PRDM5: variants seen among roughly 807,000 people sequenced by gnomAD.
PRDM5 encodes PR domain zinc finger protein 5.
Under a neutral mutation model 81.2 loss-of-function variants are expected in PRDM5, and 56 were observed. The observed-to-expected ratio is 0.69, with a 90% confidence interval of 0.56 to 0.86. The LOEUF is 0.86. PRDM5 is among the 40% of genes least tolerant of loss of function. PRDM5 has a pLI of 0.00. For missense variants in PRDM5, 697 were observed against 770.1 expected (o/e 0.91, Z 1.12); for synonymous variants, 267 against 256.4 (o/e 1.04, Z -0.39).
At chr4:120,765,343 G>A (rs1378161832) in intron 13 of PRDM5, among the ~76,000 whole-genome samples, 1 of 152,226 alleles carries the variant, frequency 6.6e-6, no homozygotes, top group African/African-American at 2.4e-5. Context: ...CTGTAGGCAA[G>A]TAATTAACCT....
chr4:120,744,592 AG>A (rs1441484949), intron 14 of PRDM5, among the ~76,000 whole-genome samples: 2 of 152,246 alleles, frequency 1.3e-5, no homozygotes, highest in African/African-American at 4.8e-5. Context: ...AAAATGATAA[AG>A]GGGATATTAC....
rs73843651 is a variant in PRDM5 at position 120,898,694 on chromosome 4, T to C, written c.177+8780A>G. On this transcript the variant is annotated intron_variant, in intron 2 of 15. Coordinates refer to ENST00000264808, the MANE Select transcript of PRDM5 (RefSeq NM_018699.4). Reference sequence around the variant, plus strand: ...TTTGGAGTTGTTATCAGCAGTAATATTGATGTGTTCAAGTTCGTATCAGAC... The same window carrying C: ...TTTGGAGTTGTTATCAGCAGTAATACTGATGTGTTCAAGTTCGTATCAGAC... Among the ~76,000 whole-genome samples, 1,464 of 152,338 alleles carry C rather than the reference T, an allele frequency of 9.6e-3. 18 individuals are homozygous for C. Among genetic ancestry groups the C allele is most frequent in the African/African-American group, 0.033 (1,380 of 41,584 alleles).
chr4:120,686,219 T>C (rs1005247482), intron 1 of PRDM5, among the ~76,000 whole-genome samples: 15 of 146,238 alleles, frequency 1.0e-4, no homozygotes, highest in Non-Finnish European at 2.0e-4. Context: ...TGTTTCTTTA[T>C]AGGTAATACC....
At chr4:120,764,416 C>T (rs1272236621) in intron 13 of PRDM5, among the ~76,000 whole-genome samples, 1 of 152,108 alleles carries the variant, frequency 6.6e-6, no homozygotes, top group African/African-American at 2.4e-5. Flanking sequence ...CAAACTTTGA[C>T]ATAGCACTAT....
At chr4:120,824,068 C>T (rs981317851) in intron 3 of PRDM5, among the ~76,000 whole-genome samples, 1 of 152,164 alleles carries the variant, frequency 6.6e-6, no homozygotes, top group African/African-American at 2.4e-5. Context: ...GAAGCAGATG[C>T]TGGCACCACA....
At chr4:120,908,870 C>T (rs1363865602) in intron 1 of PRDM5, among the ~76,000 whole-genome samples, 1 of 152,212 alleles carries the variant, frequency 6.6e-6, no homozygotes, top group Non-Finnish European at 1.5e-5. Flanking sequence ...TCATGCCTCA[C>T]TAGTCCCCTC....
chr4:120,811,339 T>C, intron 8 of PRDM5, 31 bp downstream of exon 8: 1 of 1,406,404 alleles, frequency 7.1e-7, no homozygotes, highest in Non-Finnish European at 1.0e-6. Context: ...AAGATAGATA[T>C]TAAACTGTGA....
intron 13 of PRDM5, among the ~76,000 whole-genome samples, chr4:120,770,124 C>T (rs556346583): frequency 6.6e-6 from 1 of 152,224 alleles, no homozygotes; most frequent in African/African-American, 2.4e-5. Flanking sequence ...CCTCCGCCTT[C>T]CAGGTCCAAG....
At chr4:120,913,890 G>A (rs1766787440) in intron 1 of PRDM5, among the ~76,000 whole-genome samples, 1 of 152,202 alleles carries the variant, frequency 6.6e-6, no homozygotes, top group Non-Finnish European at 1.5e-5. Flanking sequence ...AAGGAGACCA[G>A]AAAGCTGACT....
intron 14 of PRDM5, among the ~76,000 whole-genome samples, chr4:120,723,631 T>C (rs1738952959): frequency 6.6e-6 from 1 of 151,734 alleles, no homozygotes; most frequent in Non-Finnish European, 1.5e-5. Flanking sequence ...GAGAAAGAAA[T>C]ATAAGGGAAG....
At position 120,818,454 on chromosome 4, in the gene PRDM5, A is replaced by T. The variant is rs1754833970; in HGVS notation, c.549T>A (p.Ala183=). ...TCTGGTGCAATGTCTGGAGATGCTC[A>T]GCAAGAATATCCTCACTGGTAAAAC... ...ESSFTSEDIL[A]EHLQTLHQKP... The change falls in exon 5 of 16, where the codon GCT becomes GCA. Residue 183 remains alanine, a synonymous_variant. Transcript: ENST00000264808. The T allele has an allele frequency of 6.2e-7, 1 of 1,613,632 alleles. No homozygotes were observed. The highest frequency in any genetic ancestry group is 1.7e-5 in the Admixed American group (1 of 59,980).
chr4:120,833,234 T>C (rs1756933457), intron 3 of PRDM5, among the ~76,000 whole-genome samples: 1 of 152,152 alleles, frequency 6.6e-6, no homozygotes, highest in African/African-American at 2.4e-5. Context: ...TTCTGAGCAA[T>C]GTGATGAAAT....
intron 2 of PRDM5, among the ~76,000 whole-genome samples, chr4:120,893,033 T>G (rs540370787): frequency 1.3e-5 from 2 of 152,308 alleles, no homozygotes; most frequent in East Asian, 3.9e-4. Context: ...GAGGCTACAG[T>G]GCCAGTGGTG....
chr4:120,909,116 G>A (rs968649037), intron 1 of PRDM5, among the ~76,000 whole-genome samples: 3 of 152,140 alleles, frequency 2.0e-5, no homozygotes, highest in East Asian at 1.9e-4. Context: ...ATTGAGCCTC[G>A]GAATTTAAAT....
intron 3 of PRDM5, among the ~76,000 whole-genome samples, chr4:120,845,485 C>T (rs559298800): frequency 6.6e-6 from 1 of 152,286 alleles, no homozygotes; most frequent in Admixed American, 6.5e-5. Flanking sequence ...AATAACCAAG[C>T]CTGGATGATG....
Position 120,922,599 on chromosome 4 carries a change from T to A in PRDM5, c.10A>T (p.Met4Leu). MLG[M>L]YVPDRFSLKS... ...AGGGAGAACCTGTCCGGCACGTACA[T>A]GCCCAGCATTTTCCCGGGCGCGGCG... Residue 4 changes from methionine (M) to leucine (L), a missense_variant, in exon 1 of 16, where the codon ATG becomes TTG. Physicochemically the swap from Met to Leu is conservative, Grantham distance 15 (BLOSUM62 2). Coordinates refer to ENST00000264808, the MANE Select transcript of PRDM5 (RefSeq NM_018699.4). 7 of 1,606,436 alleles carry A rather than the reference T, an allele frequency of 4.4e-6. No homozygotes were observed. Among genetic ancestry groups the A allele is most frequent in the Non-Finnish European group, 5.9e-6 (7 of 1,177,258 alleles).
intron 14 of PRDM5, among the ~76,000 whole-genome samples, chr4:120,743,245 C>G (rs1223731326): frequency 2.0e-5 from 3 of 151,308 alleles, no homozygotes; most frequent in Non-Finnish European, 2.9e-5. Flanking sequence ...ATTTTGTCAC[C>G]ACTAGGCCTG....
At chr4:120,871,321 G>A (rs1297862025) in intron 2 of PRDM5, among the ~76,000 whole-genome samples, 2 of 152,148 alleles carry the variant, frequency 1.3e-5, no homozygotes, top group African/African-American at 4.8e-5. Flanking sequence ...TTGAGCCCTA[G>A]TTCCCTCACT....
intron 14 of PRDM5, among the ~76,000 whole-genome samples, chr4:120,715,987 C>A (rs905913767): frequency 6.6e-6 from 1 of 152,170 alleles, no homozygotes; most frequent in African/African-American, 2.4e-5. Flanking sequence ...ATTGCTCATA[C>A]AGATGCTTAA....
Sources: allele counts gnomAD v4.1 joint callset (sites outside exome capture counted in the v4.1 genomes callset), GRCh38; gene constraint gnomAD v4.1.1; transcripts MANE v1.5; gene names NCBI Gene and HGNC (gene_info 2026-07-23, HGNC 2026-07-21).